Variants in DOCK4 observed in about 807,000 individuals in gnomAD.
DOCK4 encodes the protein dedicator of cytokinesis 4, also known as dedicator of cytokinesis protein 4.
DOCK4 carries 97 observed loss-of-function variants against 268.1 expected under a neutral mutation model. The ratio of observed to expected loss-of-function variants is 0.36; its 90% CI spans 0.31 to 0.43. DOCK4 has a LOEUF of 0.43. DOCK4 is among the 20% of genes least tolerant of loss of function. DOCK4 has a pLI of 1.00. For synonymous variants in DOCK4, 954 were observed against 887.2 expected, an observed-to-expected ratio of 1.08 and a Z score of -1.34; for missense variants, 2,145 against 2,455.7, an observed-to-expected ratio of 0.87 and a Z score of 2.67.
chr7:112,151,099 C>T (rs2116391761), intron 1 of DOCK4, among the ~76,000 whole-genome samples: 1 of 152,098 alleles, frequency 6.6e-6, no homozygotes, highest in Middle Eastern at 3.4e-3. Context: ...TTTATCATAC[C>T]CTGGAGCCAG....
At chr7:111,782,721 T>C (rs956276044) in intron 35 of DOCK4, 143 bp downstream of exon 35, 1 of 872,204 alleles carries the variant, frequency 1.1e-6, no homozygotes, top group African/African-American at 1.7e-5. Context: ...TCACTATGCT[T>C]CTCTTAAAAA....
chr7:111,984,441 T>C, intron 6 of DOCK4, 51 bp from the exon 7 acceptor site: 7 of 1,504,864 alleles, frequency 4.7e-6, no homozygotes, highest in Non-Finnish European at 3.6e-6. Flanking sequence ...CCATGAAATA[T>C]GTTAAAAACA....
intron 4 of DOCK4, among the ~76,000 whole-genome samples, chr7:111,995,619 G>A (rs1464338903): frequency 1.3e-5 from 2 of 152,150 alleles, no homozygotes; most frequent in South Asian, 2.1e-4. Flanking sequence ...GAACCATGTT[G>A]TCTAATGATC....
At chr7:112,075,225 AG>A (rs1807954774) in intron 1 of DOCK4, among the ~76,000 whole-genome samples, 1 of 152,246 alleles carries the variant, frequency 6.6e-6, no homozygotes, top group African/African-American at 2.4e-5. Flanking sequence ...TTCACCCAGG[AG>A]AAAGTACCAA....
chr7:111,735,240 A>T (rs879027643), intron 50 of DOCK4, 73 bp from the exon 51 acceptor site: 1 of 1,013,828 alleles, frequency 9.9e-7, no homozygotes, highest in Admixed American at 3.1e-5. Context: ...CTTAGAAGAA[A>T]GTCAGAATTA....
chr7:111,743,017 A>G (rs1186000442), intron 44 of DOCK4, among the ~76,000 whole-genome samples: 1 of 151,980 alleles, frequency 6.6e-6, no homozygotes, highest in Admixed American at 6.6e-5. Flanking sequence ...AAGAAAAAAG[A>G]AAAAAATCCC....
intron 1 of DOCK4, among the ~76,000 whole-genome samples, chr7:112,161,935 C>G (rs1817165151): frequency 6.6e-6 from 1 of 152,154 alleles, no homozygotes; most frequent in Non-Finnish European, 1.5e-5. Flanking sequence ...CCCATCCAGA[C>G]TGGTTTCAAC....
chr7:112,040,035 A>G lies in DOCK4; in HGVS notation c.38-35904T>C, dbSNP rs191919350. Among the ~76,000 whole-genome samples the G allele has an allele frequency of 7.2e-5, 11 of 152,336 alleles. No homozygotes were observed. The East Asian group carries it at 2.1e-3, about 29-fold the overall frequency. ...GGCCCAGACTTATAACTTACCTTGC[A>G]TGTAACCCACTACCTGGGAAAATAG... is the stretch of plus-strand genomic sequence containing the variant. On this transcript the variant is annotated intron_variant, in intron 1 of 52. Coordinates refer to ENST00000428084, the MANE Select transcript of DOCK4 (RefSeq NM_001363540.2).
At chr7:111,819,036 C>T (rs1465298264) in intron 27 of DOCK4, among the ~76,000 whole-genome samples, 3 of 152,162 alleles carry the variant, frequency 2.0e-5, no homozygotes, top group African/African-American at 7.2e-5. Flanking sequence ...GAATGGACAA[C>T]CTCTCTAAGA....
intron 1 of DOCK4, among the ~76,000 whole-genome samples, chr7:112,183,832 C>T (rs1290470985): frequency 6.6e-6 from 1 of 152,178 alleles, no homozygotes; most frequent in Admixed American, 6.5e-5. Flanking sequence ...CCCAGCCACT[C>T]CTGCAAGCCT....
At chr7:111,907,290 T>C (rs558022646) in intron 13 of DOCK4, among the ~76,000 whole-genome samples, 4 of 152,302 alleles carry the variant, frequency 2.6e-5, no homozygotes, top group Admixed American at 6.5e-5. Context: ...GCTTTTTATG[T>C]TTTGCTTATG....
intron 1 of DOCK4, among the ~76,000 whole-genome samples, chr7:112,180,448 C>T (rs562956990): frequency 7.5e-4 from 115 of 152,344 alleles, no homozygotes; most frequent in Non-Finnish European, 1.3e-3. Flanking sequence ...CTGCAATTCT[C>T]CTTTCCCAAG....
chr7:111,988,048 G>A (rs1012732923), intron 6 of DOCK4, among the ~76,000 whole-genome samples: 5 of 152,164 alleles, frequency 3.3e-5, no homozygotes, highest in Non-Finnish European at 5.9e-5. Context: ...ATTTCCTATG[G>A]TAATGGGAAG....
At chr7:111,873,958 T>C (rs1806636338) in intron 17 of DOCK4, among the ~76,000 whole-genome samples, 1 of 152,226 alleles carries the variant, frequency 6.6e-6, no homozygotes, top group African/African-American at 2.4e-5. Flanking sequence ...TATTCAGATG[T>C]AATTCAGACA....
chr7:112,074,056 T>C (rs1387281592), intron 1 of DOCK4, among the ~76,000 whole-genome samples: 2 of 152,210 alleles, frequency 1.3e-5, no homozygotes, highest in Non-Finnish European at 2.9e-5. Context: ...GAAAAAATAG[T>C]TGTATCTAAA....
intron 8 of DOCK4, among the ~76,000 whole-genome samples, chr7:111,972,664 C>T (rs1797812105): frequency 6.6e-6 from 1 of 152,010 alleles, no homozygotes; most frequent in Non-Finnish European, 1.5e-5. Context: ...ATGTAGACTA[C>T]ATTCTACCCT....
At chr7:111,956,680 C>A (rs967123518) in intron 8 of DOCK4, among the ~76,000 whole-genome samples, 2 of 152,152 alleles carry the variant, frequency 1.3e-5, no homozygotes, top group African/African-American at 4.8e-5. Flanking sequence ...CTATCTATTT[C>A]TTTTCTCTTG....
At chr7:111,752,930 GT>G (rs1796772389) in intron 42 of DOCK4, among the ~76,000 whole-genome samples, 1 of 140,092 alleles carries the variant, frequency 7.1e-6, no homozygotes, top group Non-Finnish European at 1.5e-5. Flanking sequence ...CTTTTTTTGG[GT>G]TTTGAAAATA....
rs113850881 is a variant in DOCK4 at position 111,945,982 on chromosome 7, C to T, written c.702-184G>A. On this transcript the variant is annotated intron_variant, in intron 8 of 52. Transcript: ENST00000428084. The stretch of plus-strand genomic sequence containing the variant: ...AATATTTGCTTCACTTCTGTTAAAA[C>T]TGGCAAAGCAGCAACTACAAAAGCA... Among the ~76,000 whole-genome samples, 591 of 152,296 alleles carry T rather than the reference C, an allele frequency of 3.9e-3. 5 individuals carry two copies. Among genetic ancestry groups the T allele is most frequent in the African/African-American group, 0.013 (541 of 41,564 alleles).
Sources: gnomAD v4.1 joint callset for allele counts (sites outside exome capture counted in the v4.1 genomes callset) on GRCh38, gnomAD v4.1.1 for gene constraint, MANE v1.5 for transcripts, NCBI Gene and HGNC (gene_info 2026-07-23, HGNC 2026-07-21) for gene names.